The following UGT2B17 variants were observed in gnomAD, a reference collection of about 807,000 sequenced individuals.
The protein encoded by UGT2B17 is UDP-glucuronosyltransferase 2B17.
UGT2B17 carries 21 observed loss-of-function variants against 48.2 expected under a neutral mutation model. The ratio of observed to expected loss-of-function variants is 0.44; its 90% CI spans 0.31 to 0.63. UGT2B17 has a LOEUF of 0.63. Among genes scored for constraint, UGT2B17 ranks in the 20% least tolerant of loss-of-function variants. The pLI is 0.08. For missense variants in UGT2B17, 402 were observed against 696.1 expected (o/e 0.58, Z 4.75); for synonymous variants, 146 against 238.4 (o/e 0.61, Z 3.57).
chr4:68,548,108 A>C lies in UGT2B17; in HGVS notation c.1313+2569T>G, dbSNP rs913483213. On this transcript the variant is annotated intron_variant, in intron 6 of 6. Transcript: ENST00000317746. ...CCAAAGGGTTATAAATCATGCTTCT[A>C]TAAAGACATGTGCACAAGTATGTTT... 1.6e-5 allele frequency among the ~76,000 whole-genome samples: 2 copies of C among 127,178 alleles called. 1 individual carries two copies. Among genetic ancestry groups the C allele is most frequent in the Admixed American group, 1.6e-4 (2 of 12,468 alleles). The allele number at this position is 127,178 out of a possible 152,430, so 83.4% of individuals were successfully genotyped here.
At chr4:68,559,636 A>G (rs1460277749) in intron 4 of UGT2B17, among the ~76,000 whole-genome samples, 1 of 126,630 alleles carries the variant, frequency 7.9e-6, no homozygotes, top group Non-Finnish European at 1.7e-5. Flanking sequence ...TAGATCATTC[A>G]GAGAGGGCTA....
chr4:68,554,310 T>G (rs1730965189), intron 4 of UGT2B17, among the ~76,000 whole-genome samples: 1 of 126,194 alleles, frequency 7.9e-6, no homozygotes, highest in Admixed American at 8.2e-5. Flanking sequence ...ATCGCCTGTT[T>G]GGATTTATGA....
chr4:68,574,646 C>T lies in UGT2B17; in HGVS notation c.-65+1305G>A, dbSNP rs1476086027. Among the ~76,000 whole-genome samples the T allele has an allele frequency of 1.6e-5, 2 of 126,410 alleles. 1 individual carries two copies. Among genetic ancestry groups the T allele is most frequent in the Non-Finnish European group, 3.4e-5 (2 of 59,648 alleles). The allele number at this position is 126,410 out of a possible 152,430, so 82.9% of individuals were successfully genotyped here. On this transcript the variant is annotated intron_variant, in intron 1 of 6. Coordinates refer to ENST00000317746, the MANE Select transcript of UGT2B17 (RefSeq NM_001077.4). ...TTGACTTTTTAATGTAGGTAAAAAT[C>T]CACATTCTTATGCCTCCTTATAATC...
chr4:68,546,270 C>T lies in UGT2B17; in HGVS notation c.1313+4407G>A, dbSNP rs574713885. On this transcript the variant is annotated intron_variant, in intron 6 of 6. Transcript: ENST00000317746. ...TCCCTGGGATGCAAGGCTAGTTCAA[C>T]GTACACAAATCAATGAATGTAATCC... 6.3e-5 allele frequency among the ~76,000 whole-genome samples: 8 copies of T among 126,292 alleles called. 1 individual carries two copies. The highest frequency in any genetic ancestry group is 1.9e-4 in the African/African-American group (7 of 37,078). The allele number at this position is 126,292 out of a possible 152,430, so 82.9% of individuals were successfully genotyped here. A position where few individuals can be genotyped will look rare whatever the true frequency, so the allele number is the denominator to read the frequency against.
Position 68,560,765 on chromosome 4 carries a change from G to C in UGT2B17, c.874-97C>G. ...AACATCTAAGATGAGAAAGTCAGGA[G>C]CTATTGGAGTAATTTTTTTAAACTG... On this transcript the variant is annotated intron_variant, in intron 3 of 6. Transcript: ENST00000317746. The C allele has an allele frequency of 3.9e-6, 5 of 1,292,276 alleles. No homozygotes were observed. In the South Asian group the frequency reaches 7.5e-5, roughly 19 times the overall value. 80.1% of individuals were successfully genotyped at this position (1,292,276 alleles called of 1,614,324 possible). A position where few individuals can be genotyped will look rare whatever the true frequency, so the allele number is the denominator to read the frequency against.
At chr4:68,555,563 T>C (rs1327080634) in intron 4 of UGT2B17, among the ~76,000 whole-genome samples, 1 of 126,452 alleles carries the variant, frequency 7.9e-6, no homozygotes, top group Non-Finnish European at 1.7e-5. Flanking sequence ...TCTTTTTCAC[T>C]GTCTCAGTTA....
At chr4:68,553,430 G>A (rs1471261281) in intron 4 of UGT2B17, among the ~76,000 whole-genome samples, 1 of 126,546 alleles carries the variant, frequency 7.9e-6, no homozygotes, top group African/African-American at 2.7e-5. Flanking sequence ...CTAATGATTT[G>A]AACTCTTTTA....
chr4:68,568,002 C>T lies in UGT2B17; in HGVS notation c.483G>A (p.Leu161=), dbSNP rs1578172982. Residue 161 remains leucine (L), a synonymous_variant, in exon 2 of 7, where the codon CTG becomes CTA. Coordinates refer to ENST00000317746, the MANE Select transcript of UGT2B17 (RefSeq NM_001077.4). ...ADAVNPCGEL[L]AELLNIPFLY... ...GAAAGGGTATGTTAAGTAGCTCAGC[C>T]AGCAGCTCACCACAGGGATTAACGG... 6 of 1,382,066 alleles carry T rather than the reference C, an allele frequency of 4.3e-6. 2 individuals are homozygous for T. The highest frequency in any genetic ancestry group is 3.0e-5 in the African/African-American group (2 of 67,708). The allele number at this position is 1,382,066 out of a possible 1,614,324, so 85.6% of individuals were successfully genotyped here. A position where few individuals can be genotyped will look rare whatever the true frequency, so the allele number is the denominator to read the frequency against.
intron 6 of UGT2B17, among the ~76,000 whole-genome samples, chr4:68,547,790 G>C (rs1730844149): frequency 7.9e-6 from 1 of 126,726 alleles, no homozygotes; most frequent in Non-Finnish European, 1.7e-5. Flanking sequence ...CTTCTCAAAA[G>C]AAGACATTTA....
Position 68,558,493 on chromosome 4 carries a change from C to T in UGT2B17, c.1005+2044G>A, listed in dbSNP as rs1343281581. Among the ~76,000 whole-genome samples, 41 of 126,448 alleles carry T rather than the reference C, an allele frequency of 3.2e-4. 9 individuals carry two copies. The highest frequency in any genetic ancestry group is 1.1e-3 in the African/African-American group (41 of 37,144). The allele number at this position is 126,448 out of a possible 152,430, so 83.0% of individuals were successfully genotyped here. A position where few individuals can be genotyped will look rare whatever the true frequency, so the allele number is the denominator to read the frequency against. On this transcript the variant is annotated intron_variant, in intron 4 of 6. Transcript: ENST00000317746. Reference sequence around the variant, plus strand: ...CCAATTTACATACATAATCCACTTTCATACCTGCCTACTGATTTATGGACT... The same window carrying T: ...CCAATTTACATACATAATCCACTTTTATACCTGCCTACTGATTTATGGACT...
intron 6 of UGT2B17, among the ~76,000 whole-genome samples, chr4:68,542,868 C>T (rs1177691047): frequency 7.9e-6 from 1 of 127,082 alleles, no homozygotes; most frequent in Non-Finnish European, 1.7e-5. Context: ...TGAGATCGAA[C>T]TGCAAGGCAG....
chr4:68,539,114 A>G (rs1341122560), intron 6 of UGT2B17, among the ~76,000 whole-genome samples: 1 of 126,418 alleles, frequency 7.9e-6, no homozygotes, highest in Non-Finnish European at 1.7e-5. Flanking sequence ...TATGAAATAC[A>G]TAGGATAAAT....
At chr4:68,540,576 C>T (rs1452963802) in intron 6 of UGT2B17, among the ~76,000 whole-genome samples, 1 of 126,904 alleles carries the variant, frequency 7.9e-6, no homozygotes, top group Non-Finnish European at 1.7e-5. Context: ...CTGCCCTCCT[C>T]AGCCACCCAA....
Position 68,537,567 on chromosome 4 carries a change from G to A in UGT2B17, c.*58C>T. ...AAATCCTCCATTTAAAACCCTCCAT[G>A]CTGGAATAAAGGAGGAGTCCCATCT... On this transcript the variant is annotated 3_prime_UTR_variant, in exon 7 of 7. Coordinates refer to ENST00000317746, the MANE Select transcript of UGT2B17 (RefSeq NM_001077.4). 1.6e-6 allele frequency: 2 copies of A among 1,249,124 alleles called. No individual in the cohort carries two copies. The highest frequency in any genetic ancestry group is 2.1e-6 in the Non-Finnish European group (2 of 973,672). 77.4% of individuals were successfully genotyped at this position (1,249,124 alleles called of 1,614,324 possible).
At chr4:68,539,847 C>T (rs77927164) in intron 6 of UGT2B17, among the ~76,000 whole-genome samples, 1,436 of 107,352 alleles carry the variant, frequency 0.013, 215 homozygotes, top group African/African-American at 0.045. Flanking sequence ...TATGACGGAG[C>T]GATCTTGGCT....
chr4:68,568,425 A>G lies in UGT2B17; in HGVS notation c.60T>C (p.Ser20=). Reference sequence around the variant, plus strand: ...ACACCAGCACCTTTCCACAACTCCCAGAGCTAAAGTAACAACTGAGCTGCA... The same window carrying G: ...ACACCAGCACCTTTCCACAACTCCCGGAGCTAAAGTAACAACTGAGCTGCA... ...LLMQLSCYFS[S]GSCGKVLVWP... The change falls in exon 2 of 7, where the codon TCT becomes TCC. Residue 20 remains serine, a synonymous_variant. Transcript: ENST00000317746. 2 of 1,370,898 alleles carry G rather than the reference A, an allele frequency of 1.5e-6. 1 individual carries two copies. Among genetic ancestry groups the G allele is most frequent in the Non-Finnish European group, 1.9e-6 (2 of 1,053,212 alleles). The allele number at this position is 1,370,898 out of a possible 1,614,324, so 84.9% of individuals were successfully genotyped here.
rs1317230848 is a variant in UGT2B17 at position 68,545,041 on chromosome 4, C to T, written c.1313+5636G>A. On this transcript the variant is annotated intron_variant, in intron 6 of 6. Coordinates refer to ENST00000317746, the MANE Select transcript of UGT2B17 (RefSeq NM_001077.4). ...ACGAGAAAAAGTTAACAAGGATATC[C>T]AAGAATTGAACTCAGCTCTGCACGA... Among the ~76,000 whole-genome samples the T allele has an allele frequency of 9.6e-5, 12 of 125,164 alleles. 1 individual carries two copies. The highest frequency in any genetic ancestry group is 2.4e-4 in the Admixed American group (3 of 12,264). 82.1% of individuals were successfully genotyped at this position (125,164 alleles called of 152,430 possible).
Position 68,546,329 on chromosome 4 carries a change from T to C in UGT2B17, c.1313+4348A>G, listed in dbSNP as rs1245949278. Among the ~76,000 whole-genome samples, 15 of 126,310 alleles carry C rather than the reference T, an allele frequency of 1.2e-4. 3 individuals are homozygous for C. Among genetic ancestry groups the C allele is most frequent in the African/African-American group, 4.1e-4 (15 of 36,978 alleles). 82.9% of individuals were successfully genotyped at this position (126,310 alleles called of 152,430 possible). On this transcript the variant is annotated intron_variant, in intron 6 of 6. Transcript: ENST00000317746. ...AACAGAACCAATGACAAAAACCACA[T>C]GATTATCTCAATAGATGCAGAAAAG... is the stretch of plus-strand genomic sequence containing the variant.
At position 68,558,658 on chromosome 4, in the gene UGT2B17, C is replaced by A. The variant is rs1410532587; in HGVS notation, c.1005+1879G>T. ...ATGAACTTTCCTAATAACTCAGGAC[C>A]TGCTTAGGAATAAACCTTCCTTGCC... On this transcript the variant is annotated intron_variant, in intron 4 of 6. Transcript: ENST00000317746. Among the ~76,000 whole-genome samples the A allele has an allele frequency of 3.2e-5, 4 of 125,964 alleles. 1 individual carries two copies. Among genetic ancestry groups the A allele is most frequent in the Non-Finnish European group, 6.7e-5 (4 of 59,410 alleles). The allele number at this position is 125,964 out of a possible 152,430, so 82.6% of individuals were successfully genotyped here. A position where few individuals can be genotyped will look rare whatever the true frequency, so the allele number is the denominator to read the frequency against.
Sources: allele counts gnomAD v4.1 joint callset (sites outside exome capture counted in the v4.1 genomes callset), GRCh38; gene constraint gnomAD v4.1.1; transcripts MANE v1.5; gene names NCBI Gene and HGNC (gene_info 2026-07-23, HGNC 2026-07-21).